Variants in PDE1C observed in about 807,000 individuals in gnomAD.
PDE1C encodes the protein dual specificity calcium/calmodulin-dependent 3',5'-cyclic nucleotide phosphodiesterase 1C.
In PDE1C, 62 loss-of-function variants were observed where a neutral mutation model predicts 93.1. That is an observed-to-expected ratio of 0.67 (90% CI 0.54 to 0.82). The LOEUF (loss-of-function observed/expected upper bound fraction) is 0.82, where lower values mean the gene tolerates loss of function less well. Ranked by LOEUF, PDE1C falls within the 40% of genes least tolerant of loss-of-function variation. The pLI, the probability that PDE1C is intolerant of heterozygous loss-of-function variation, is 0.00. For missense variants in PDE1C, 742 were observed against 884.6 expected, an observed-to-expected ratio of 0.84 and a Z score of 2.04; for synonymous variants, 325 against 310.1, an observed-to-expected ratio of 1.05 and a Z score of -0.50.
At chr7:31,994,317 T>C (rs1264987138) in intron 2 of PDE1C, among the ~76,000 whole-genome samples, 1 of 152,196 alleles carries the variant, frequency 6.6e-6, no homozygotes, top group Non-Finnish European at 1.5e-5. Flanking sequence ...AAAACTTTTT[T>C]AAATACTAAA....
chr7:32,296,718 A>G (rs1336693238), intron 1 of PDE1C, among the ~76,000 whole-genome samples: 1 of 152,256 alleles, frequency 6.6e-6, no homozygotes, highest in African/African-American at 2.4e-5. Context: ...TCTCATAAGG[A>G]CAACCTGGTA....
chr7:32,010,924 T>C (rs1786997270), intron 2 of PDE1C, among the ~76,000 whole-genome samples: 2 of 152,244 alleles, frequency 1.3e-5, no homozygotes, highest in Non-Finnish European at 2.9e-5. Flanking sequence ...TAAGGTTACA[T>C]TCTGCAGAAC....
chr7:32,336,354 A>G (rs1783624699), intron 1 of PDE1C, among the ~76,000 whole-genome samples: 2 of 152,188 alleles, frequency 1.3e-5, no homozygotes. Context: ...CAGCATCTCC[A>G]CTTTAATCCA....
intron 2 of PDE1C, among the ~76,000 whole-genome samples, chr7:31,934,946 T>A (rs948605451): frequency 1.3e-5 from 2 of 152,226 alleles, no homozygotes; most frequent in Non-Finnish European, 2.9e-5. Flanking sequence ...AAATGAGTGA[T>A]TATGTTCCAA....
chr7:31,964,457 G>C (rs1033648967), intron 2 of PDE1C, among the ~76,000 whole-genome samples: 1 of 152,218 alleles, frequency 6.6e-6, no homozygotes, highest in East Asian at 1.9e-4. Context: ...AAAGCAGCTG[G>C]GAAGCTCAAA....
the PDE1C span, among the ~76,000 whole-genome samples, chr7:31,726,640 CCA>C: frequency 6.6e-6 from 1 of 152,188 alleles, no homozygotes; most frequent in Admixed American, 6.5e-5. Flanking sequence ...CACAAAATAA[CCA>C]AAGAAAGTAT....
At chr7:32,362,615 G>A (rs1199619648) in intron 1 of PDE1C, among the ~76,000 whole-genome samples, 4 of 152,084 alleles carry the variant, frequency 2.6e-5, no homozygotes, top group African/African-American at 9.7e-5. Context: ...GTGATTTCGT[G>A]AGCAAAAGCC....
intron 1 of PDE1C, among the ~76,000 whole-genome samples, chr7:32,250,964 C>A (rs568317767): frequency 2.6e-5 from 4 of 152,188 alleles, no homozygotes; most frequent in Non-Finnish European, 5.9e-5. Flanking sequence ...TGCCAGATGG[C>A]GACATTTGTA....
At chr7:31,795,028 G>T (rs1785109341) in intron 16 of PDE1C, among the ~76,000 whole-genome samples, 1 of 151,928 alleles carries the variant, frequency 6.6e-6, no homozygotes, top group Non-Finnish European at 1.5e-5. Flanking sequence ...TATTGCAGCG[G>T]ACTAATACTT....
chr7:31,665,490 C>T, the PDE1C span, among the ~76,000 whole-genome samples: 2 of 152,112 alleles, frequency 1.3e-5, no homozygotes, highest in African/African-American at 4.8e-5. Context: ...ATAGTAAGTT[C>T]ACAAAAGATT....
chr7:32,349,793 C>G (rs111938470), intron 1 of PDE1C, among the ~76,000 whole-genome samples: 158 of 152,214 alleles, frequency 1.0e-3, no homozygotes, highest in African/African-American at 3.6e-3. Flanking sequence ...CCACACCCAG[C>G]TAATTTTTGT....
At chr7:31,682,599 T>G in the PDE1C span, among the ~76,000 whole-genome samples, 3,887 of 152,240 alleles carry the variant, frequency 0.026, 87 homozygotes, top group Non-Finnish European at 0.037. Flanking sequence ...CACTACCATA[T>G]GGGCCAGCAA....
chr7:32,109,123 A>C (rs535419132), intron 3 of PDE1C, among the ~76,000 whole-genome samples: 1 of 152,200 alleles, frequency 6.6e-6, no homozygotes, highest in Admixed American at 6.5e-5. Flanking sequence ...ACACAGCATG[A>C]GTCACTGAGG....
At chr7:32,130,999 T>G (rs1799886941) in intron 3 of PDE1C, among the ~76,000 whole-genome samples, 1 of 152,056 alleles carries the variant, frequency 6.6e-6, no homozygotes, top group African/African-American at 2.4e-5. Flanking sequence ...TTAGGTCCCT[T>G]CAAGTTAAGG....
chr7:31,670,757 A>G, the PDE1C span, among the ~76,000 whole-genome samples: 19 of 152,234 alleles, frequency 1.2e-4, no homozygotes, highest in South Asian at 2.1e-4. Flanking sequence ...AAGTGAGAAC[A>G]TAACATTCCT....
intron 1 of PDE1C, among the ~76,000 whole-genome samples, chr7:32,373,337 T>C (rs1191066780): frequency 6.6e-6 from 1 of 152,220 alleles, no homozygotes; most frequent in Non-Finnish European, 1.5e-5. Context: ...CTTGAAAACA[T>C]TACACTGTGA....
the PDE1C span, among the ~76,000 whole-genome samples, chr7:31,619,295 A>G: frequency 2.0e-5 from 3 of 152,218 alleles, no homozygotes; most frequent in East Asian, 1.9e-4. Context: ...ATATGAGAAA[A>G]GAAAGGTCCA....
At chr7:31,746,397 G>A (rs2128587933), downstream of PDE1C, among the ~76,000 whole-genome samples, 1 of 152,276 alleles carries the variant, frequency 6.6e-6, no homozygotes, top group South Asian at 2.1e-4. Flanking sequence ...AGAGCTGCAG[G>A]AGAATATGGG....
At chr7:31,687,101 T>A in the PDE1C span, 1 of 152,366 alleles carries the variant, frequency 6.6e-6, no homozygotes, top group South Asian at 2.1e-4. Context: ...GATGGAGATG[T>A]TAGTCCTCTT....
Sources: gnomAD v4.1 joint callset for allele counts (sites outside exome capture counted in the v4.1 genomes callset) on GRCh38, gnomAD v4.1.1 for gene constraint, MANE v1.5 for transcripts, NCBI Gene and HGNC (gene_info 2026-07-23, HGNC 2026-07-21) for gene names.